Variants in OSBPL2 observed in about 807,000 individuals in gnomAD.
OSBPL2 encodes the protein oxysterol binding protein like 2, also known as oxysterol-binding protein-related protein 2.
OSBPL2 carries 18 observed loss-of-function variants against 58.4 expected under a neutral mutation model. The ratio of observed to expected loss-of-function variants is 0.31; its 90% confidence interval spans 0.21 to 0.46. OSBPL2 has a LOEUF of 0.46. Among genes scored for constraint, OSBPL2 ranks in the 20% least tolerant of loss-of-function variants. The probability of loss-of-function intolerance (pLI) is 1.00; values close to 1 mark genes in which losing one functional copy is unlikely to be tolerated. For synonymous variants in OSBPL2, 221 were observed against 234.1 expected, an observed-to-expected ratio of 0.94 and a Z score of 0.51; for missense variants, 461 against 616.5, an observed-to-expected ratio of 0.75 and a Z score of 2.67.
chr20:62,281,910 C>A lies in OSBPL2; in HGVS notation c.872+31C>A, dbSNP rs779157943. 7.6e-6 allele frequency: 11 copies of A among 1,445,394 alleles called. No individual in the cohort carries two copies. In the South Asian group the frequency reaches 1.1e-4, roughly 15 times the overall value. The allele number at this position is 1,445,394 out of a possible 1,614,324, so 89.5% of individuals were successfully genotyped here. A position where few individuals can be genotyped will look rare whatever the true frequency, so the allele number is the denominator to read the frequency against. Reference sequence around the variant, plus strand: ...TCCTTGCCAAGTGTTCATGGGGCACCACTACAGCCTGTGTGTCCACGTTAG... The same window carrying A: ...TCCTTGCCAAGTGTTCATGGGGCACAACTACAGCCTGTGTGTCCACGTTAG... On this transcript the variant is annotated intron_variant, in intron 9 of 13. Coordinates refer to ENST00000313733, the MANE Select transcript of OSBPL2 (RefSeq NM_144498.4).
rs374024313 is a variant in OSBPL2 at position 62,293,855 on chromosome 20, C to T, written c.1411C>T (p.Arg471Trp). 2.5e-6 allele frequency: 4 copies of T among 1,614,024 alleles called. No homozygotes were observed. Among genetic ancestry groups the T allele is most frequent in the South Asian group, 1.1e-5 (1 of 91,082 alleles). ...DWLYAGDYFE[R>W]NFSDCPDIY ...GTTGTATGCAGGGGATTACTTTGAG[C>T]GGAATTTCTCCGACTGCCCAGATAT... Residue 471 changes from arginine to tryptophan, a missense_variant, in exon 14 of 14, where the codon CGG (arginine) becomes TGG (tryptophan). Transcript: ENST00000313733.
chr20:62,259,114 C>T (rs1036839741), intron 2 of OSBPL2: 1 of 152,356 alleles, frequency 6.6e-6, no homozygotes, highest in Non-Finnish European at 1.5e-5. Context: ...AGCCCTCAGA[C>T]CCTGGAAGCA....
intron 12 of OSBPL2, among the ~76,000 whole-genome samples, chr20:62,290,175 C>T (rs1983400719): frequency 6.6e-6 from 1 of 152,136 alleles, no homozygotes; most frequent in South Asian, 2.1e-4. Context: ...ATGGAATCCG[C>T]AGTGAAACTC....
intron 8 of OSBPL2, 113 bp downstream of exon 8, chr20:62,281,278 C>A: frequency 1.4e-6 from 1 of 712,702 alleles, no homozygotes; most frequent in Non-Finnish European, 2.5e-6. Context: ...TCACGAGCTG[C>A]TGCCGTGTCC....
In OSBPL2 at chr20:62,280,287, A is replaced by G. The variant is rs183487711; in HGVS notation, c.675-771A>G. The G allele has an allele frequency of 3.0e-4, 120 of 402,742 alleles. 1 individual carries two copies. Among genetic ancestry groups the G allele is most frequent in the African/African-American group, 2.2e-3 (105 of 47,594 alleles). The allele number at this position is 402,742 out of a possible 1,614,324, so 24.9% of individuals were successfully genotyped here. A position where few individuals can be genotyped will look rare whatever the true frequency, so the allele number is the denominator to read the frequency against. The stretch of plus-strand genomic sequence containing the variant: ...ATGGTGGCTAGAAGGTTCCACAAGG[A>G]CCTGGAGAAGCCCCTGAGAGTGTGT... On this transcript the variant is annotated intron_variant, in intron 7 of 13. Transcript: ENST00000313733.
At chr20:62,260,593 C>G (rs4925363) in intron 3 of OSBPL2, among the ~76,000 whole-genome samples, 136,003 of 152,208 alleles carry the variant, frequency 0.89, 61,120 homozygotes, top group East Asian at 0.99. Flanking sequence ...GGACAAGAAG[C>G]GTTTAATTTC....
chr20:62,266,878 T>C (rs950467698), intron 4 of OSBPL2, among the ~76,000 whole-genome samples: 6 of 152,226 alleles, frequency 3.9e-5, no homozygotes, highest in African/African-American at 1.4e-4. Context: ...TGTTGCCCTC[T>C]GGTGTTTGCA....
intron 1 of OSBPL2, among the ~76,000 whole-genome samples, chr20:62,243,680 T>TG (rs1407925982): frequency 4.6e-5 from 7 of 152,000 alleles, no homozygotes; most frequent in Non-Finnish European, 7.4e-5. Context: ...CGGGAGGGTC[T>TG]GGGGTGGGTC....
Position 62,286,579 on chromosome 20 carries a change from T to G in OSBPL2, c.997-4T>G. ...CAGCCACACAGCAGGGTTCTGTGTT[T>G]CAGGATGAAGACTCCGGGAAGGCTG... On this transcript the variant is annotated splice_region_variant and splice_polypyrimidine_tract_variant and intron_variant, in intron 10 of 13. Transcript: ENST00000313733. 3.1e-6 allele frequency: 5 copies of G among 1,611,522 alleles called. No homozygotes were observed. Among genetic ancestry groups the G allele is most frequent in the Non-Finnish European group, 4.2e-6 (5 of 1,178,226 alleles).
intron 6 of OSBPL2, among the ~76,000 whole-genome samples, chr20:62,275,783 C>T (rs1982351365): frequency 6.6e-6 from 1 of 151,984 alleles, no homozygotes; most frequent in South Asian, 2.1e-4. Context: ...TTTTTTCTTT[C>T]TTTCATAAAA....
rs1398289325 is a variant in OSBPL2, at chr20:62,270,601, CCCTCTCTGGCCTCTCTGGGT to C, written c.259-1515_259-1496del. ...GTCCCTCTCTGGGTCCTCTCCTTGT[CCCTCTCTGGCCTCTCTGGGT>C]CCTCTCTGACCTCTCTGGGTCCTCT... On this transcript the variant is annotated intron_variant, in intron 4 of 13. Coordinates refer to ENST00000313733, the MANE Select transcript of OSBPL2 (RefSeq NM_144498.4). 1.5e-3 allele frequency among the ~76,000 whole-genome samples: 73 copies of C among 48,796 alleles called. 8 individuals are homozygous for C. Among genetic ancestry groups the C allele is most frequent in the Non-Finnish European group, 1.7e-3 (42 of 24,122 alleles). 32.0% of individuals were successfully genotyped at this position (48,796 alleles called of 152,430 possible). A position where few individuals can be genotyped will look rare whatever the true frequency, so the allele number is the denominator to read the frequency against.
At chr20:62,238,657 G>A (rs1246118330) in intron 1 of OSBPL2, 60 bp downstream of exon 1, 1 of 148,260 alleles carries the variant, frequency 6.7e-6, no homozygotes, top group East Asian at 2.0e-4. Context: ...TGCGGGGCCT[G>A]GGCCGCGGGC....
chr20:62,255,985 G>T, intron 1 of OSBPL2, 72 bp from the exon 2 acceptor site: 1 of 534,110 alleles, frequency 1.9e-6, no homozygotes, highest in East Asian at 3.3e-5. Flanking sequence ...GATGGTGAAT[G>T]GGTATTTTTA....
intron 12 of OSBPL2, among the ~76,000 whole-genome samples, chr20:62,290,871 G>A (rs758831212): frequency 6.6e-6 from 1 of 151,454 alleles, no homozygotes; most frequent in Non-Finnish European, 1.5e-5. Context: ...CCGAGTAGCT[G>A]GGATTACAGG....
chr20:62,284,445 T>C, intron 10 of OSBPL2: 1 of 398,264 alleles, frequency 2.5e-6, no homozygotes, highest in Admixed American at 3.7e-5. Context: ...GGTGCAGTCA[T>C]AACTCACTGC....
intron 1 of OSBPL2, among the ~76,000 whole-genome samples, chr20:62,255,853 C>CTGT (rs1980887983): frequency 6.6e-6 from 1 of 152,222 alleles, no homozygotes; most frequent in Non-Finnish European, 1.5e-5. Flanking sequence ...AATTATTGGT[C>CTGT]TGTTATTCAT....
Position 62,281,771 on chromosome 20 carries a change from G to A in OSBPL2, c.783-19G>A, listed in dbSNP as rs1277434963. 1 of 1,575,134 alleles carries A rather than the reference G, an allele frequency of 6.3e-7. No homozygotes were observed. The highest frequency in any genetic ancestry group is 1.7e-5 in the Admixed American group (1 of 59,840). Reference sequence around the variant, plus strand: ...GTTTGCTGTCTTGCAGCAGAAACCTGTGTTTGTTTTTCTCACAGAACTGGA... The same window carrying A: ...GTTTGCTGTCTTGCAGCAGAAACCTATGTTTGTTTTTCTCACAGAACTGGA... On this transcript the variant is annotated intron_variant, in intron 8 of 13. Coordinates refer to ENST00000313733, the MANE Select transcript of OSBPL2 (RefSeq NM_144498.4).
chr20:62,243,114 G>A (rs6062164), intron 1 of OSBPL2, among the ~76,000 whole-genome samples: 1 of 152,358 alleles, frequency 6.6e-6, no homozygotes, highest in African/African-American at 2.4e-5. Context: ...CTGTGATTCA[G>A]TGACATTTCG....
intron 1 of OSBPL2, among the ~76,000 whole-genome samples, chr20:62,241,653 A>G (rs1183725866): frequency 6.6e-6 from 1 of 152,242 alleles, no homozygotes; most frequent in Non-Finnish European, 1.5e-5. Flanking sequence ...GTGGGTTCCC[A>G]CTGGCTCCTG....
Sources: gnomAD v4.1 joint callset for allele counts (sites outside exome capture counted in the v4.1 genomes callset) on GRCh38, gnomAD v4.1.1 for gene constraint, MANE v1.5 for transcripts, NCBI Gene and HGNC (gene_info 2026-07-23, HGNC 2026-07-21) for gene names.